The following SOCS2 variants were observed in gnomAD, a reference collection of about 807,000 sequenced individuals.
SOCS2 encodes CIS-2.
Under a neutral mutation model 18.6 loss-of-function variants are expected in SOCS2, and 10 were observed. The ratio of observed to expected loss-of-function variants is 0.54; its 90% confidence interval spans 0.33 to 0.91. The LOEUF is 0.91. Ranked by LOEUF, SOCS2 falls within the 40% of genes least tolerant of loss-of-function variation. The probability of loss-of-function intolerance (pLI) is 0.02; values close to 1 mark genes in which losing one functional copy is unlikely to be tolerated. For missense variants in SOCS2, 231 were observed against 247.2 expected (o/e 0.93, Z 0.44); for synonymous variants, 104 against 104.0 (o/e 1.00, Z 0.00).
At chr12:93,623,363 T>G in the SOCS2 span, among the ~76,000 whole-genome samples, 8 of 152,334 alleles carry the variant, frequency 5.3e-5, no homozygotes, top group African/African-American at 1.9e-4. Flanking sequence ...TTAAACCTCT[T>G]TCCTTTATAA....
At chr12:93,588,616 T>G in the SOCS2 span, among the ~76,000 whole-genome samples, 1 of 70,392 alleles carries the variant, frequency 1.4e-5, no homozygotes, top group Non-Finnish European at 2.6e-5. Context: ...AGACAGTGAA[T>G]TTTTTTTTTT....
chr12:93,593,387 A>G, the SOCS2 span, among the ~76,000 whole-genome samples: 2,591 of 152,280 alleles, frequency 0.017, 62 homozygotes, highest in African/African-American at 0.059. Context: ...AAGCAAACAA[A>G]TAGGGCTCAG....
the SOCS2 span, among the ~76,000 whole-genome samples, chr12:93,608,766 T>G: frequency 6.6e-6 from 1 of 152,142 alleles, no homozygotes; most frequent in Non-Finnish European, 1.5e-5. Context: ...TCATCTCCCA[T>G]TCCCTGATGG....
Position 93,574,882 on chromosome 12 carries a change from A to G in SOCS2, c.300A>G (p.Gln100=). Residue 100 remains glutamine (Q), a synonymous_variant, in exon 2 of 2, where the codon CAA becomes CAG. Transcript: ENST00000551556. ...AGPTNLRIEY[Q]DGKFRLDSII... is the part of the protein sequence containing the mutation. ...CAACTAATCTTCGAATCGAATACCA[A>G]GACGGAAAATTCAGATTGGACTCTA... 1.2e-6 allele frequency: 2 copies of G among 1,614,240 alleles called. No individual in the cohort carries two copies. The highest frequency in any genetic ancestry group is 1.7e-6 in the Non-Finnish European group (2 of 1,180,052).
At chr12:93,590,047 T>C in the SOCS2 span, among the ~76,000 whole-genome samples, 4 of 150,384 alleles carry the variant, frequency 2.7e-5, no homozygotes, top group African/African-American at 9.8e-5. Flanking sequence ...AGGTCAGGAG[T>C]TCGAGACCAG....
the SOCS2 span, among the ~76,000 whole-genome samples, chr12:93,590,783 C>CAAAAAAAAA: frequency 5.9e-4 from 23 of 38,946 alleles, 2 homozygotes; most frequent in African/African-American, 1.4e-3. Context: ...GACTCCGCCT[C>CAAAAAAAAA]AAAAAAAAAA....
chr12:93,591,151 C>A, the SOCS2 span, among the ~76,000 whole-genome samples: 15 of 151,720 alleles, frequency 9.9e-5, no homozygotes, highest in African/African-American at 3.6e-4. Flanking sequence ...ACCTTCAAAT[C>A]CAGCTTGTTC....
At chr12:93,617,768 T>C in the SOCS2 span, among the ~76,000 whole-genome samples, 2 of 152,194 alleles carry the variant, frequency 1.3e-5, no homozygotes, top group Non-Finnish European at 2.9e-5. Context: ...AGTATTGTTA[T>C]AGTTCAGAAT....
chr12:93,614,619 C>CTT, the SOCS2 span, among the ~76,000 whole-genome samples: 3 of 93,814 alleles, frequency 3.2e-5, no homozygotes, highest in Non-Finnish European at 4.4e-5. Flanking sequence ...TTCTTTCTTT[C>CTT]TTTCTTTCTT....
the SOCS2 span, among the ~76,000 whole-genome samples, chr12:93,593,258 G>A: frequency 6.6e-6 from 1 of 152,120 alleles, no homozygotes; most frequent in Non-Finnish European, 1.5e-5. Flanking sequence ...CCTCCAGTGG[G>A]ATAGCTGATC....
the SOCS2 span, among the ~76,000 whole-genome samples, chr12:93,624,641 T>C: frequency 3.3e-5 from 5 of 152,134 alleles, no homozygotes; most frequent in Admixed American, 1.3e-4. Context: ...ACAAACAGAC[T>C]AAGACAATAC....
upstream of SOCS2, chr12:93,571,940 C>G (rs911056552): frequency 1.8e-5 from 7 of 383,016 alleles, no homozygotes; most frequent in African/African-American, 1.6e-4. Flanking sequence ...TGGTGGTTTG[C>G]ATTTTCCGCA....
the SOCS2 span, among the ~76,000 whole-genome samples, chr12:93,588,953 C>T: frequency 6.6e-6 from 1 of 152,142 alleles, no homozygotes. Context: ...AGATCAGGGA[C>T]ATAAAGCAGG....
the SOCS2 span, among the ~76,000 whole-genome samples, chr12:93,595,364 A>T: frequency 3.9e-5 from 6 of 152,314 alleles, no homozygotes; most frequent in South Asian, 1.0e-3. Flanking sequence ...TAAATTGCAG[A>T]TCCAGTCACT....
chr12:93,574,459 TAAG>T (rs900600963), intron 1 of SOCS2: 24 of 316,724 alleles, frequency 7.6e-5, no homozygotes, highest in Non-Finnish European at 1.1e-4. Context: ...AAGAAAATCT[TAAG>T]AAGAGCTTCA....
At chr12:93,621,364 C>T in the SOCS2 span, among the ~76,000 whole-genome samples, 2 of 152,220 alleles carry the variant, frequency 1.3e-5, no homozygotes, top group African/African-American at 4.8e-5. Context: ...GAAGCTTGTA[C>T]TGCAAGCATA....
Position 93,572,712 on chromosome 12 carries a change from G to C in SOCS2, c.-186G>C. On this transcript the variant is annotated 5_prime_UTR_variant, in exon 1 of 2. Transcript: ENST00000551556. This position sits in a 1 kb window ranked among gnomAD's most constrained non-coding sequence, Gnocchi z 5.0. Reference sequence around the variant, plus strand: ...GATCAGTGGGTGACCGCGGCTGCGAGGGACTTTGTCATCCGTCCTCCAGGA... The same window carrying C: ...GATCAGTGGGTGACCGCGGCTGCGACGGACTTTGTCATCCGTCCTCCAGGA... 1 of 818,876 alleles carries C rather than the reference G, an allele frequency of 1.2e-6. No homozygotes were observed. The highest frequency in any genetic ancestry group is 2.0e-6 in the Non-Finnish European group (1 of 492,026). The allele number at this position is 818,876 out of a possible 1,614,324, so 50.7% of individuals were successfully genotyped here.
chr12:93,591,807 A>G, the SOCS2 span, among the ~76,000 whole-genome samples: 1 of 152,188 alleles, frequency 6.6e-6, no homozygotes, highest in Non-Finnish European at 1.5e-5. Context: ...TTGAGAGCAG[A>G]CGGCTGGGTG....
chr12:93,622,202 T>G, the SOCS2 span, among the ~76,000 whole-genome samples: 6 of 152,230 alleles, frequency 3.9e-5, no homozygotes, highest in African/African-American at 1.4e-4. Context: ...AGCTGAGGGC[T>G]GCTGATTTCT....
Sources: allele counts gnomAD v4.1 joint callset (sites outside exome capture counted in the v4.1 genomes callset), GRCh38; gene constraint gnomAD v4.1.1; non-coding constraint Gnocchi (gnomAD v3.1); transcripts MANE v1.5; gene names NCBI Gene and HGNC (gene_info 2026-07-23, HGNC 2026-07-21).